The following ZNF600 variants were observed in gnomAD, a reference collection of about 807,000 sequenced individuals.
ZNF600 encodes the protein zinc finger protein KR-ZNF1.
Under a neutral mutation model 7.3 loss-of-function variants are expected in ZNF600, and 4 were observed. The ratio of observed to expected loss-of-function variants is 0.55; its 90% CI spans 0.27 to 1.25. The LOEUF (loss-of-function observed/expected upper bound fraction) is 1.25, where lower values mean the gene tolerates loss of function less well. Ranked by LOEUF, ZNF600 falls within the 50% of genes most tolerant of loss-of-function variation. ZNF600 has a pLI of 0.12. For synonymous variants in ZNF600, 290 were observed against 308.9 expected (o/e 0.94, Z 0.64); for missense variants, 911 against 922.1 (o/e 0.99, Z 0.16).
At chr19:52,805,961 C>T in the ZNF600 span, 1 of 151,950 alleles carries the variant, frequency 6.6e-6, no homozygotes, top group Non-Finnish European at 1.5e-5. Context: ...GCCTGGGTGA[C>T]AACAGCAAAA....
At chr19:52,831,242 AAC>A in the ZNF600 span, among the ~76,000 whole-genome samples, 6 of 152,132 alleles carry the variant, frequency 3.9e-5, no homozygotes, top group Non-Finnish European at 8.8e-5. Context: ...TGTCTGTGGA[AAC>A]AGAGACAGAC....
chr19:52,766,894 T>A, exon 4 of ZNF600: 1 of 1,614,104 alleles, frequency 6.2e-7, no homozygotes, highest in East Asian at 2.2e-5. Flanking sequence ...CGTGCAAGGT[T>A]TGATTGCTGA....
At chr19:52,799,126 TATG>T in the ZNF600 span, 2 of 411,250 alleles carry the variant, frequency 4.9e-6, no homozygotes, top group African/African-American at 4.1e-5. Context: ...GTATGAAGAC[TATG>T]ATGACTTGCA....
At chr19:52,765,457 C>T (rs887678812) in exon 4 of ZNF600, 35 of 1,360,844 alleles carry the variant, frequency 2.6e-5, no homozygotes, top group Non-Finnish European at 3.6e-5. Flanking sequence ...TGTCAATGAA[C>T]TGCAATGTAT....
At chr19:52,828,786 T>G in the ZNF600 span, among the ~76,000 whole-genome samples, 70,295 of 152,094 alleles carry the variant, frequency 0.46, 17,837 homozygotes, top group Non-Finnish European at 0.58. Context: ...TCCTGCAGAT[T>G]CGGCCTTTCA....
At chr19:52,808,375 TC>T in the ZNF600 span, among the ~76,000 whole-genome samples, 3 of 152,214 alleles carry the variant, frequency 2.0e-5, no homozygotes, top group African/African-American at 7.2e-5. Context: ...AGTGTTGGAT[TC>T]CTGTTATAAA....
At chr19:52,800,075 C>T in the ZNF600 span, 80 of 1,613,544 alleles carry the variant, frequency 5.0e-5, no homozygotes, top group Middle Eastern at 3.3e-4. Flanking sequence ...GGTGTGAATC[C>T]CTCCGGAAAG....
chr19:52,776,768 C>T (rs890676696), intron 2 of ZNF600, among the ~76,000 whole-genome samples: 1 of 152,006 alleles, frequency 6.6e-6, no homozygotes, highest in Admixed American at 6.5e-5. Flanking sequence ...TAAAAAATAA[C>T]TTATTGCAAA....
At chr19:52,799,549 T>A in the ZNF600 span, 1 of 1,452,166 alleles carries the variant, frequency 6.9e-7, no homozygotes, top group East Asian at 2.3e-5. Flanking sequence ...TGAATGGCTT[T>A]GTGACTTACA....
the ZNF600 span, among the ~76,000 whole-genome samples, chr19:52,796,667 C>T: frequency 2.0e-5 from 3 of 152,184 alleles, no homozygotes; most frequent in Admixed American, 2.0e-4. Context: ...GGGGTTTCAC[C>T]ATTCTGTCCA....
At chr19:52,783,400 C>T (rs577756103) in intron 1 of ZNF600, among the ~76,000 whole-genome samples, 2 of 152,168 alleles carry the variant, frequency 1.3e-5, no homozygotes, top group Non-Finnish European at 2.9e-5. Flanking sequence ...CTCGCTCTGT[C>T]GCCCAGGCTG....
chr19:52,779,214 C>T (rs2062701044), intron 1 of ZNF600, among the ~76,000 whole-genome samples: 1 of 152,200 alleles, frequency 6.6e-6, no homozygotes, highest in Non-Finnish European at 1.5e-5. Context: ...CAGAGGACAG[C>T]CCCTCACCTC....
the ZNF600 span, chr19:52,810,295 A>C: frequency 2.6e-6 from 4 of 1,522,784 alleles, no homozygotes; most frequent in Non-Finnish European, 3.6e-6. Context: ...GAGAAGATGG[A>C]GGCTGATGCC....
intron 3 of ZNF600, among the ~76,000 whole-genome samples, chr19:52,770,525 T>C (rs566140301): frequency 6.6e-6 from 1 of 152,336 alleles, no homozygotes; most frequent in African/African-American, 2.4e-5. Flanking sequence ...AGCCAGGCAA[T>C]ACAGCAATTT....
At chr19:52,827,645 T>G in the ZNF600 span, among the ~76,000 whole-genome samples, 1 of 151,704 alleles carries the variant, frequency 6.6e-6, no homozygotes, top group African/African-American at 2.4e-5. Flanking sequence ...CCCAGGTTCA[T>G]GCCATTTTTC....
chr19:52,810,082 G>T, the ZNF600 span: 1 of 767,068 alleles, frequency 1.3e-6, no homozygotes, highest in East Asian at 2.6e-5. Context: ...CCTGGGCCTC[G>T]TTCAGGAGCC....
intron 1 of ZNF600, among the ~76,000 whole-genome samples, chr19:52,783,590 T>A (rs927851497): frequency 6.6e-6 from 1 of 152,306 alleles, no homozygotes; most frequent in South Asian, 2.1e-4. Context: ...CTCAATCTCC[T>A]GACCTAGTGA....
the ZNF600 span, among the ~76,000 whole-genome samples, chr19:52,832,262 A>G: frequency 6.6e-6 from 1 of 152,128 alleles, no homozygotes; most frequent in Non-Finnish European, 1.5e-5. Context: ...TGTACCACTG[A>G]TGTGTATCTT....
At chr19:52,790,817 G>C (rs1338690815), upstream of ZNF600, among the ~76,000 whole-genome samples, 1 of 150,990 alleles carries the variant, frequency 6.6e-6, no homozygotes, top group Non-Finnish European at 1.5e-5. Context: ...CTCCTGAGTA[G>C]CTGAGATTAC....
Sources: allele counts gnomAD v4.1 joint callset (sites outside exome capture counted in the v4.1 genomes callset), GRCh38; gene constraint gnomAD v4.1.1; transcripts MANE v1.5; gene names NCBI Gene and HGNC (gene_info 2026-07-23, HGNC 2026-07-21).